The following RNF17 variants were observed in gnomAD, a reference collection of about 807,000 sequenced individuals.
RNF17 encodes spermatogenesis associated 23.
A neutral mutation model predicts 200.5 loss-of-function variants in RNF17; 31 were observed. The observed-to-expected ratio is 0.15, with a 90% CI of 0.12 to 0.21. The LOEUF (loss-of-function observed/expected upper bound fraction) is 0.21. Ranked by LOEUF, RNF17 falls within the 10% of genes least tolerant of loss-of-function variation. RNF17 has a pLI of 1.00. For missense variants in RNF17, 1,628 were observed against 1,905.1 expected, an observed-to-expected ratio of 0.85 and a Z score of 2.71; for synonymous variants, 606 against 637.8, an observed-to-expected ratio of 0.95 and a Z score of 0.75.
chr13:24,760,425 T>C (rs1293251999), upstream of RNF17, among the ~76,000 whole-genome samples: 1 of 152,192 alleles, frequency 6.6e-6, no homozygotes, highest in Non-Finnish European at 1.5e-5. Flanking sequence ...GATATCCACA[T>C]GCAGAAGAAT....
the RNF17 span, among the ~76,000 whole-genome samples, chr13:24,753,398 A>T: frequency 6.6e-6 from 1 of 152,214 alleles, no homozygotes; most frequent in Non-Finnish European, 1.5e-5. Context: ...GTATTAAAAG[A>T]GACACTTCAG....
the RNF17 span, among the ~76,000 whole-genome samples, chr13:24,888,473 T>C: frequency 6.6e-6 from 1 of 152,146 alleles, no homozygotes; most frequent in Non-Finnish European, 1.5e-5. Context: ...TCACAGGGCC[T>C]TACCAGCTCA....
intron 18 of RNF17, among the ~76,000 whole-genome samples, chr13:24,840,280 T>C (rs753813709): frequency 6.6e-6 from 1 of 152,210 alleles, no homozygotes; most frequent in African/African-American, 2.4e-5. Context: ...CTGGCAGGAT[T>C]GTAAACTAGT....
chr13:24,887,142 T>C, the RNF17 span, among the ~76,000 whole-genome samples: 1 of 152,132 alleles, frequency 6.6e-6, no homozygotes, highest in Non-Finnish European at 1.5e-5. Flanking sequence ...TAAGAAGCAC[T>C]GCCCAAAGGG....
chr13:24,764,441 T>C, intron 1 of RNF17, 108 bp downstream of exon 1: 2 of 1,408,552 alleles, frequency 1.4e-6, no homozygotes, highest in Non-Finnish European at 1.9e-6. Flanking sequence ...CCAATCCTGG[T>C]GTCACCAGAA....
At chr13:24,881,959 C>T (rs1444252572), downstream of RNF17, among the ~76,000 whole-genome samples, 3 of 22,572 alleles carry the variant, frequency 1.3e-4, no homozygotes, top group Non-Finnish European at 2.8e-4. Flanking sequence ...TATATAGATA[C>T]ATCTAGATAT....
intron 22 of RNF17, among the ~76,000 whole-genome samples, chr13:24,850,079 C>T (rs1439793709): frequency 6.6e-6 from 1 of 151,790 alleles, no homozygotes; most frequent in African/African-American, 2.4e-5. Context: ...TTTACAGCTC[C>T]TCAATGTAGC....
At chr13:24,865,170 T>C (rs1050343596) in intron 29 of RNF17, among the ~76,000 whole-genome samples, 172 bp downstream of exon 29, 7 of 152,218 alleles carry the variant, frequency 4.6e-5, no homozygotes, top group Non-Finnish European at 7.3e-5. Flanking sequence ...TGTCATGCAT[T>C]ATAAATGTCC....
downstream of RNF17, chr13:24,884,281 G>C (rs1953944976): frequency 2.5e-6 from 4 of 1,614,076 alleles, no homozygotes; most frequent in Non-Finnish European, 3.4e-6. Flanking sequence ...CTTTTCTCCA[G>C]AGATGGTTAA....
rs748574769 is a variant in RNF17, at chr13:24,853,980, A to G, written c.3446A>G (p.Asp1149Gly). 2 of 1,614,178 alleles carry G rather than the reference A, an allele frequency of 1.2e-6. No individual in the cohort carries two copies. The highest frequency in any genetic ancestry group is 4.5e-5 in the East Asian group (2 of 44,866). ...TTTGACCCTGACAAGAAAACTGCTG[A>G]CATAATCAGTGAACAGAAAGTGTCT... ...TNFDPDKKTA[D>G]IISEQKVSEF... The change falls in exon 25 of 36, where the codon GAC becomes GGC. Residue 1149 changes from aspartate to glycine, a missense_variant. This residue lies in a region of RNF17 where 609 missense variants were observed against 681.9 expected (regional missense o/e 0.89). Transcript: ENST00000255324.
intron 26 of RNF17, 25 bp downstream of exon 26, chr13:24,859,189 A>G (rs372931894): frequency 2.1e-5 from 32 of 1,545,944 alleles, no homozygotes; most frequent in South Asian, 2.5e-5. Flanking sequence ...CTTTTGTGAC[A>G]ATTCTAAAGC....
intron 15 of RNF17, among the ~76,000 whole-genome samples, chr13:24,815,238 C>T (rs1304686223): frequency 1.3e-5 from 2 of 152,090 alleles, no homozygotes; most frequent in Non-Finnish European, 2.9e-5. Flanking sequence ...GTGTGGTTTT[C>T]AGCATAACAA....
Position 24,864,627 on chromosome 13 carries a change from T to A in RNF17, c.3976-246T>A, listed in dbSNP as rs140159409. ...GGAATTGGAATTATATATAACTAGT[T>A]ATTTTGTGGTAAATAACTAGAAAAC... On this transcript the variant is annotated intron_variant, in intron 28 of 35. Coordinates refer to ENST00000255324, the MANE Select transcript of RNF17 (RefSeq NM_031277.3). 2.1e-3 allele frequency among the ~76,000 whole-genome samples: 325 copies of A among 152,332 alleles called. 1 individual carries two copies. Among genetic ancestry groups the A allele is most frequent in the Middle Eastern group, 6.8e-3 (2 of 294 alleles).
intron 24 of RNF17, among the ~76,000 whole-genome samples, chr13:24,852,670 G>A (rs540864950): frequency 3.0e-4 from 45 of 152,258 alleles, no homozygotes; most frequent in African/African-American, 9.9e-4. Context: ...TGGATTGCCC[G>A]GGCTTTGGCA....
chr13:24,854,102 G>A lies in RNF17; in HGVS notation c.3568G>A (p.Val1190Ile). ...CGTATTTGAGGCAACAGTCAGCTGTGTTGGTGATGATGGAACTATATTTGT... is the reference window on the plus strand; with the variant it reads ...CGTATTTGAGGCAACAGTCAGCTGTATTGGTGATGATGGAACTATATTTGT... ...MNVFEATVSC[V>I]GDDGTIFVVP... The change falls in exon 25 of 36, where the codon GTT (valine) becomes ATT (isoleucine). Residue 1190 changes from valine to isoleucine, a missense_variant. Physicochemically the swap from Val to Ile is conservative, Grantham distance 29. This residue lies in a region of RNF17 where 609 missense variants were observed against 681.9 expected (regional missense o/e 0.89). Coordinates refer to ENST00000255324, the MANE Select transcript of RNF17 (RefSeq NM_031277.3). 6.2e-7 allele frequency: 1 copy of A among 1,613,930 alleles called. No individual in the cohort carries two copies. The highest frequency in any genetic ancestry group is 8.5e-7 in the Non-Finnish European group (1 of 1,179,862).
At chr13:24,761,295 C>G (rs1222532423), upstream of RNF17, among the ~76,000 whole-genome samples, 1 of 152,138 alleles carries the variant, frequency 6.6e-6, no homozygotes, top group Non-Finnish European at 1.5e-5. Context: ...TAATCCCACT[C>G]TTATGTTGGG....
chr13:24,771,988 G>C (rs566837903), intron 2 of RNF17, among the ~76,000 whole-genome samples: 2 of 152,132 alleles, frequency 1.3e-5, no homozygotes, highest in Non-Finnish European at 2.9e-5. Context: ...TGGGCAACAA[G>C]AGCGAAACTC....
At chr13:24,827,840 C>G (rs965563989) in intron 16 of RNF17, among the ~76,000 whole-genome samples, 1 of 151,746 alleles carries the variant, frequency 6.6e-6, no homozygotes, top group Non-Finnish European at 1.5e-5. Flanking sequence ...GTTGCTGCAT[C>G]CTCCAGAGGG....
rs778361719 is a variant in RNF17, at chr13:24,764,232, C to T, written c.29C>T (p.Pro10Leu). 1 of 1,606,048 alleles carries T rather than the reference C, an allele frequency of 6.2e-7. No homozygotes were observed. Among genetic ancestry groups the T allele is most frequent in the South Asian group, 1.1e-5 (1 of 90,516 alleles). The stretch of plus-strand genomic sequence containing the variant: ...GCGGCAGAGGCTTCGAAGACTGGGC[C>T]TTCTAGGTCTTCCTACCAGCGAATG... Reference protein sequence around the residue: MAAEASKTGPSRSSYQRMGR... With the variant: MAAEASKTGLSRSSYQRMGR... Residue 10 changes from proline to leucine, a missense_variant, in exon 1 of 36, where the codon CCT becomes CTT. Pro to Leu is a moderately conservative substitution (Grantham distance 98, BLOSUM62 -3). Around this residue, in one of 5 missense-constraint regions of RNF17, gnomAD observed 502 missense variants for 501.7 expected, o/e 1.00. Coordinates refer to ENST00000255324, the MANE Select transcript of RNF17 (RefSeq NM_031277.3).
Sources: allele counts gnomAD v4.1 joint callset (sites outside exome capture counted in the v4.1 genomes callset), GRCh38; gene constraint gnomAD v4.1.1; regional missense constraint gnomAD v4.1.1; transcripts MANE v1.5; gene names NCBI Gene and HGNC (gene_info 2026-07-23, HGNC 2026-07-21).